Variants in SSR3 observed in about 807,000 individuals in gnomAD.
The protein encoded by SSR3 is signal sequence receptor subunit 3.
Under a neutral mutation model 22.1 loss-of-function variants are expected in SSR3, and 10 were observed. The ratio of observed to expected loss-of-function variants is 0.45; its 90% CI spans 0.28 to 0.77. SSR3 has a LOEUF of 0.77. Among genes scored for constraint, SSR3 ranks in the 30% least tolerant of loss-of-function variants. The probability of loss-of-function intolerance (pLI) is 0.13; values close to 1 mark genes in which losing one functional copy is unlikely to be tolerated. For synonymous variants in SSR3, 104 were observed against 82.5 expected (o/e 1.26, Z -1.42); for missense variants, 181 against 220.5 (o/e 0.82, Z 1.13).
intron 3 of SSR3, among the ~76,000 whole-genome samples, chr3:156,545,175 A>G (rs1212846515): frequency 6.6e-6 from 1 of 152,216 alleles, no homozygotes; most frequent in Admixed American, 6.5e-5. Context: ...GCAGTTTTTA[A>G]AAGGGTAGGT....
rs1129094 is a variant in SSR3 at position 156,541,559 on chromosome 3, G to A, written c.*1644C>T. 0.7 allele frequency: 105,758 copies of A among 152,050 alleles called. 37,058 individuals carry two copies. Among genetic ancestry groups the A allele is most frequent in the East Asian group, 0.84 (4,367 of 5,182 alleles). The allele number at this position is 152,050 out of a possible 1,614,324, so 9.4% of individuals were successfully genotyped here. On this transcript the variant is annotated 3_prime_UTR_variant, in exon 5 of 5. Coordinates refer to ENST00000265044, the MANE Select transcript of SSR3 (RefSeq NM_007107.5). ...CTCCCAAGTAGCTGAGATTACAGGC[G>A]CCCACCATCACGCCTGGCTAATTTT...
intron 1 of SSR3, 121 bp downstream of exon 1, chr3:156,554,836 T>C (rs1453608137): frequency 2.5e-5 from 33 of 1,332,132 alleles, no homozygotes; most frequent in Non-Finnish European, 3.3e-5. Flanking sequence ...TCAGGGGAGC[T>C]GGAGAGATTG....
At chr3:156,546,752 A>C (rs3773715) in intron 3 of SSR3, among the ~76,000 whole-genome samples, 21,135 of 152,240 alleles carry the variant, frequency 0.14, 1,519 homozygotes, top group East Asian at 0.21. Context: ...GTTGAGACCA[A>C]GCAACTGTTA....
intron 4 of SSR3, 36 bp from the exon 5 acceptor site, chr3:156,543,305 C>T: frequency 6.3e-7 from 1 of 1,575,226 alleles, no homozygotes; most frequent in Non-Finnish European, 8.7e-7. Context: ...AAATGAGTAA[C>T]TCCAAATTGG....
intron 3 of SSR3, 94 bp from the exon 4 acceptor site, chr3:156,544,533 T>C (rs956351618): frequency 8.9e-6 from 9 of 1,015,058 alleles, no homozygotes; most frequent in Non-Finnish European, 1.2e-5. Context: ...AAAACAAGTT[T>C]TTCCTTGAGT....
chr3:156,552,986 T>A (rs1720017166), intron 2 of SSR3, among the ~76,000 whole-genome samples: 1 of 152,036 alleles, frequency 6.6e-6, no homozygotes, highest in Non-Finnish European at 1.5e-5. Context: ...ATCCTTTACA[T>A]TTTATACACT....
At chr3:156,543,672 G>GC (rs1314923495) in intron 4 of SSR3, among the ~76,000 whole-genome samples, 2 of 152,214 alleles carry the variant, frequency 1.3e-5, no homozygotes, top group African/African-American at 2.4e-5. Flanking sequence ...GCTTGCAACA[G>GC]CAAGGAGGTT....
intron 4 of SSR3, 55 bp from the exon 5 acceptor site, chr3:156,543,324 G>A: frequency 7.3e-7 from 1 of 1,368,146 alleles, no homozygotes; most frequent in Non-Finnish European, 1.0e-6. Context: ...GGTTTTTTGA[G>A]AAAATAAAGA....
rs560390770 is a variant in SSR3 at position 156,547,083 on chromosome 3, G to A, written c.359+1822C>T. ...ATCAATACAGTACAAACTGTATCCC[G>A]TATGGCTTTTATGGTGGAAATAAAA... On this transcript the variant is annotated intron_variant, in intron 3 of 4. Transcript: ENST00000265044. 2.0e-5 allele frequency among the ~76,000 whole-genome samples: 3 copies of A among 152,208 alleles called. 1 individual carries two copies. Among genetic ancestry groups the A allele is most frequent in the South Asian group, 4.1e-4 (2 of 4,820 alleles).
rs1388548250 is a variant in SSR3 at position 156,540,043 on chromosome 3, TAAAAC to T, written c.*3155_*3159del. 2.6e-5 allele frequency: 4 copies of T among 151,730 alleles called. No individual in the cohort carries two copies. The highest frequency in any genetic ancestry group is 1.3e-4 in the Admixed American group (2 of 15,238). The allele number at this position is 151,730 out of a possible 1,614,324, so 9.4% of individuals were successfully genotyped here. Reference sequence around the variant, plus strand: ...CCAGAACTTAAAGTAAAATAAAAAATAAAACAATTTGAAAAAAAAGATGGTTAATG... The same window carrying T: ...CCAGAACTTAAAGTAAAATAAAAAATAATTTGAAAAAAAAGATGGTTAATG... On this transcript the variant is annotated 3_prime_UTR_variant, in exon 5 of 5. Coordinates refer to ENST00000265044, the MANE Select transcript of SSR3 (RefSeq NM_007107.5).
chr3:156,545,736 A>G (rs1014926198), intron 3 of SSR3, among the ~76,000 whole-genome samples: 1 of 152,220 alleles, frequency 6.6e-6, no homozygotes, highest in Non-Finnish European at 1.5e-5. Context: ...AGGGAAGGAC[A>G]TTAAGTGCAG....
Position 156,553,762 on chromosome 3 carries a change from C to T in SSR3, c.153G>A (p.Trp51Ter). The T allele has an allele frequency of 1.2e-6, 2 of 1,610,058 alleles. No individual in the cohort carries two copies. Among genetic ancestry groups the T allele is most frequent in the Non-Finnish European group, 1.7e-6 (2 of 1,178,368 alleles). The change falls in exon 2 of 5, where the codon TGG (tryptophan) becomes TGA (stop). Residue 51 changes from tryptophan (W) to a stop codon, truncating the protein, a stop_gained. Coordinates refer to ENST00000265044, the MANE Select transcript of SSR3 (RefSeq NM_007107.5). LOFTEE classifies it high-confidence loss of function. ...CAGCAGACTGAATAAGATCCATATG[C>T]CATATTCGCCAGTATAACCCTGAAT... is the stretch of plus-strand genomic sequence containing the variant. The part of the protein sequence containing the change: ...AIPIWLYWRI[W>*]HMDLIQSAVL...
At chr3:156,553,352 T>A (rs1474962259) in intron 2 of SSR3, among the ~76,000 whole-genome samples, 4 of 152,232 alleles carry the variant, frequency 2.6e-5, no homozygotes, top group Non-Finnish European at 5.9e-5. Context: ...TACATTTAGC[T>A]TCTGAAATGT....
At chr3:156,548,746 C>T (rs1479529760) in intron 3 of SSR3, 159 bp downstream of exon 3, 3 of 845,412 alleles carry the variant, frequency 3.5e-6, no homozygotes, top group East Asian at 5.3e-5. Context: ...GTAATAAAAA[C>T]TCTAAAAGTC....
intron 3 of SSR3, 155 bp downstream of exon 3, chr3:156,548,750 A>G: frequency 4.5e-6 from 4 of 886,214 alleles, no homozygotes; most frequent in Non-Finnish European, 6.7e-6. Flanking sequence ...TAAAAACTCT[A>G]AAAGTCAGCT....
chr3:156,540,680 T>G lies in SSR3; in HGVS notation c.*2523A>C, dbSNP rs932611125. 1.3e-5 allele frequency: 2 copies of G among 149,606 alleles called. No individual in the cohort carries two copies. Among genetic ancestry groups the G allele is most frequent in the African/African-American group, 2.5e-5 (1 of 40,534 alleles). 9.3% of individuals were successfully genotyped at this position (149,606 alleles called of 1,614,324 possible). ...TTAAAATGAAGGAACTAAAAATAGG[T>G]AAATGAAAATGTTATAACACTTTAG... On this transcript the variant is annotated 3_prime_UTR_variant, in exon 5 of 5. Transcript: ENST00000265044.
chr3:156,549,533 C>T (rs983021837), intron 2 of SSR3, among the ~76,000 whole-genome samples: 1 of 152,110 alleles, frequency 6.6e-6, no homozygotes, highest in Non-Finnish European at 1.5e-5. Context: ...CAGAAAGCCC[C>T]AGGTCATTCA....
At chr3:156,553,524 C>T in intron 2 of SSR3, 131 bp downstream of exon 2, 2 of 907,124 alleles carry the variant, frequency 2.2e-6, no homozygotes, top group Non-Finnish European at 3.1e-6. Context: ...ATGTTCCTTT[C>T]CCCCAAAATG....
In SSR3 at chr3:156,554,790, C is replaced by T. The variant is rs1020615112; in HGVS notation, c.133+167G>A. The T allele has an allele frequency of 4.6e-6, 4 of 865,384 alleles. No individual in the cohort carries two copies. In the African/African-American group the frequency reaches 6.8e-5, roughly 15 times the overall value. The allele number at this position is 865,384 out of a possible 1,614,324, so 53.6% of individuals were successfully genotyped here. A position where few individuals can be genotyped will look rare whatever the true frequency, so the allele number is the denominator to read the frequency against. On this transcript the variant is annotated intron_variant, in intron 1 of 4. Transcript: ENST00000265044. ...CACAGGACAATCCCAAGCGACAACA[C>T]TGTGCCCAAAGAAGAGGCTCCGTGC...
Sources: gnomAD v4.1 joint callset for allele counts (sites outside exome capture counted in the v4.1 genomes callset) on GRCh38, gnomAD v4.1.1 for gene constraint, MANE v1.5 for transcripts, NCBI Gene and HGNC (gene_info 2026-07-23, HGNC 2026-07-21) for gene names.